Variants in ABHD10 observed in about 807,000 individuals in gnomAD.
ABHD10 encodes palmitoyl-protein thioesterase ABHD10, mitochondrial.
A neutral mutation model predicts 33.1 loss-of-function variants in ABHD10; 22 were observed. The observed-to-expected ratio is 0.66, with a 90% confidence interval of 0.47 to 0.95. The LOEUF is 0.95. Among genes scored for constraint, ABHD10 ranks in the 40% least tolerant of loss-of-function variants. The pLI is 0.00. For synonymous variants in ABHD10, 146 were observed against 133.9 expected, an observed-to-expected ratio of 1.09 and a Z score of -0.62; for missense variants, 352 against 379.9, an observed-to-expected ratio of 0.93 and a Z score of 0.61.
Position 111,991,552 on chromosome 3 carries a change from T to C in ABHD10, c.752T>C (p.Ile251Thr), listed in dbSNP as rs147779665. 10 of 1,614,118 alleles carry C rather than the reference T, an allele frequency of 6.2e-6. No homozygotes were observed. In the African/African-American group the frequency reaches 1.2e-4, roughly 19 times the overall value. The change falls in exon 5 of 5, where the codon ATT becomes ACT. Residue 251 changes from isoleucine (I) to threonine (T), a missense_variant. Physicochemically the swap from Ile to Thr is moderately conservative, Grantham distance 89 (BLOSUM62 -1). Coordinates refer to ENST00000273359, the MANE Select transcript of ABHD10 (RefSeq NM_018394.4). ...TTGCTCCATGGCATGAAGGATGACA[T>C]TGTACCTTGGCATACATCAATGCAG... Reference protein sequence around the residue: ...IRLLHGMKDDIVPWHTSMQVA... With the variant: ...IRLLHGMKDDTVPWHTSMQVA...
At chr3:111,981,330 AAAAG>A (rs1553757988) in intron 1 of ABHD10, among the ~76,000 whole-genome samples, 2 of 136,212 alleles carry the variant, frequency 1.5e-5, no homozygotes, top group Non-Finnish European at 1.5e-5. Flanking sequence ...AAAAAAAAAA[AAAAG>A]AAAGAAAATA....
rs2072677008 is a variant in ABHD10 at position 111,987,028 on chromosome 3, A to G, written c.553A>G (p.Lys185Glu). ...TACAGCTGCAGATACCTTAGTGACAAAGTTTAATCAGCTTCCTGTTGAGGT... is the reference window on the plus strand; with the variant it reads ...TACAGCTGCAGATACCTTAGTGACAGAGTTTAATCAGCTTCCTGTTGAGGT... ...VATAADTLVT[K>E]FNQLPVELKK... Residue 185 changes from lysine (K) to glutamate (E), a missense_variant, in exon 4 of 5, where the codon AAG becomes GAG. By Grantham distance (56) the Lys-to-Glu change is moderately conservative. Coordinates refer to ENST00000273359, the MANE Select transcript of ABHD10 (RefSeq NM_018394.4). The G allele has an allele frequency of 4.3e-6, 7 of 1,612,550 alleles. No individual in the cohort carries two copies. Among genetic ancestry groups the G allele is most frequent in the Admixed American group, 1.7e-5 (1 of 59,516 alleles).
chr3:111,991,429 C>G lies in ABHD10; in HGVS notation c.629C>G (p.Ser210Cys), dbSNP rs1204305349. 1 of 1,613,186 alleles carries G rather than the reference C, an allele frequency of 6.2e-7. No homozygotes were observed. Among genetic ancestry groups the G allele is most frequent in the Non-Finnish European group, 8.5e-7 (1 of 1,179,762 alleles). ...GTGTGGAGCATGCCATCAAAATACTCTGAAGAAGGAGTTTATAACGTTCAG... is the reference window on the plus strand; with the variant it reads ...GTGTGGAGCATGCCATCAAAATACTGTGAAGAAGGAGTTTATAACGTTCAG... Reference protein sequence around the residue: ...KGVWSMPSKYSEEGVYNVQYS... With the variant: ...KGVWSMPSKYCEEGVYNVQYS... The change falls in exon 5 of 5, where the codon TCT becomes TGT. Residue 210 changes from serine (S) to cysteine (C), a missense_variant. Coordinates refer to ENST00000273359, the MANE Select transcript of ABHD10 (RefSeq NM_018394.4).
chr3:111,987,419 G>T (rs774751), intron 4 of ABHD10, among the ~76,000 whole-genome samples: 1 of 152,068 alleles, frequency 6.6e-6, no homozygotes, highest in African/African-American at 2.4e-5. Flanking sequence ...GGCATATGGG[G>T]AGTAGTGCCT....
rs1219726396 is a variant in ABHD10 at position 111,993,026 on chromosome 3, T to C, written c.*1305T>C. 6.6e-6 allele frequency: 1 copy of C among 152,206 alleles called. No individual in the cohort carries two copies. The highest frequency in any genetic ancestry group is 2.4e-5 in the African/African-American group (1 of 41,460). 9.4% of individuals were successfully genotyped at this position (152,206 alleles called of 1,614,324 possible). On this transcript the variant is annotated 3_prime_UTR_variant, in exon 5 of 5. Transcript: ENST00000273359. ...GAACTGATCAAAGTAGCTTACTATA[T>C]CTAAACTGTAAAACAATATAGTTTC...
intron 1 of ABHD10, 123 bp from the exon 2 acceptor site, chr3:111,981,661 A>C: frequency 1.1e-6 from 1 of 891,234 alleles, no homozygotes. Context: ...TGTTTTTTCT[A>C]TTAAATGGAA....
At chr3:111,986,841 G>T in intron 3 of ABHD10, 73 bp from the exon 4 acceptor site, 3 of 1,075,512 alleles carry the variant, frequency 2.8e-6, no homozygotes, top group Non-Finnish European at 2.6e-6. Flanking sequence ...ATTTTTTATT[G>T]TACATATTTT....
At chr3:111,986,529 G>A (rs962560137) in intron 3 of ABHD10, among the ~76,000 whole-genome samples, 154 bp downstream of exon 3, 7 of 152,264 alleles carry the variant, frequency 4.6e-5, no homozygotes, top group East Asian at 1.9e-4. Context: ...TCTGCCTCCC[G>A]GGTTCACGGC....
intron 2 of ABHD10, among the ~76,000 whole-genome samples, chr3:111,984,667 A>T (rs184941790): frequency 6.6e-6 from 1 of 152,232 alleles, no homozygotes; most frequent in Non-Finnish European, 1.5e-5. Flanking sequence ...CCAAAGCACT[A>T]AGTGTTTATG....
chr3:111,987,505 C>T (rs2072682711), intron 4 of ABHD10, among the ~76,000 whole-genome samples: 1 of 152,052 alleles, frequency 6.6e-6, no homozygotes, highest in African/African-American at 2.4e-5. Flanking sequence ...GGGATTGCTT[C>T]CAAGACCTCC....
chr3:111,989,670 T>C (rs1232113616), intron 4 of ABHD10, among the ~76,000 whole-genome samples: 1 of 152,244 alleles, frequency 6.6e-6, no homozygotes, highest in East Asian at 1.9e-4. Context: ...AAATGTCATC[T>C]TTACTTTAAA....
rs2072731081 is a variant in ABHD10 at position 111,990,833 on chromosome 3, A to G, written c.577-544A>G. On this transcript the variant is annotated intron_variant, in intron 4 of 4. Coordinates refer to ENST00000273359, the MANE Select transcript of ABHD10 (RefSeq NM_018394.4). ...GTTTGATTCTTTCTCTTCTTTCCCT[A>G]TGCCATATCCATTTTAGCTACTTAT... The G allele has an allele frequency of 1.4e-5, 10 of 734,552 alleles. No individual in the cohort carries two copies. In the East Asian group the frequency reaches 3.0e-4, roughly 22 times the overall value. The allele number at this position is 734,552 out of a possible 1,614,324, so 45.5% of individuals were successfully genotyped here.
intron 4 of ABHD10, among the ~76,000 whole-genome samples, chr3:111,987,827 A>G (rs1157191288): frequency 6.6e-6 from 1 of 152,224 alleles, no homozygotes; most frequent in Non-Finnish European, 1.5e-5. Flanking sequence ...AAGCAGCCTC[A>G]GTTCCTCCCA....
intron 1 of ABHD10, among the ~76,000 whole-genome samples, chr3:111,979,427 T>C: frequency 6.6e-6 from 1 of 152,228 alleles, no homozygotes; most frequent in Non-Finnish European, 1.5e-5. Context: ...TCGCTGGCGT[T>C]TTACACTGTG....
Position 111,979,206 on chromosome 3 carries a change from C to A in ABHD10, c.142+3C>A. ...GCGGGCGCCACGGTGGCTCCCAGGT[C>A]AGTGTCCGAAAGGCGGGAGTAGGAT... On this transcript the variant is annotated splice_donor_region_variant and intron_variant, in intron 1 of 4. Transcript: ENST00000273359. 1 of 1,595,232 alleles carries A rather than the reference C, an allele frequency of 6.3e-7. No homozygotes were observed. The highest frequency in any genetic ancestry group is 1.1e-5 in the South Asian group (1 of 90,132).
Position 111,991,703 on chromosome 3 carries a change from C to G in ABHD10, c.903C>G (p.Leu301=). The change falls in exon 5 of 5, where the codon CTC becomes CTG. Residue 301 remains leucine, a synonymous_variant. Coordinates refer to ENST00000273359, the MANE Select transcript of ABHD10 (RefSeq NM_018394.4). The part of the protein sequence containing the change: ...VYTIDDLIDK[L]STIVN ...CTATTGATGACTTAATTGATAAGCT[C>G]TCAACTATAGTTAACTAGTATCACA... 1 of 1,612,756 alleles carries G rather than the reference C, an allele frequency of 6.2e-7. No individual in the cohort carries two copies. The highest frequency in any genetic ancestry group is 8.5e-7 in the Non-Finnish European group (1 of 1,179,242).
rs766092063 is a variant in ABHD10 at position 111,986,226 on chromosome 3, T to C, written c.327-38T>C. The C allele has an allele frequency of 2.3e-5, 26 of 1,146,028 alleles. No homozygotes were observed. The South Asian group carries it at 3.1e-4, about 14-fold the overall frequency. 71.0% of individuals were successfully genotyped at this position (1,146,028 alleles called of 1,614,324 possible). A position where few individuals can be genotyped will look rare whatever the true frequency, so the allele number is the denominator to read the frequency against. On this transcript the variant is annotated intron_variant, in intron 2 of 4. Transcript: ENST00000273359. ...CTTAAAAATTAAAGAAGCAGATATA[T>C]AGATATTTAGATATAGATTTTTTTC... is the stretch of plus-strand genomic sequence containing the variant.
intron 1 of ABHD10, among the ~76,000 whole-genome samples, chr3:111,980,693 A>G (rs968364195): frequency 1.1e-4 from 16 of 152,246 alleles, no homozygotes; most frequent in Admixed American, 9.8e-4. Flanking sequence ...TGTTGTACTT[A>G]AATTACACTA....
At chr3:111,989,840 A>C (rs2072719935) in intron 4 of ABHD10, among the ~76,000 whole-genome samples, 1 of 152,010 alleles carries the variant, frequency 6.6e-6, no homozygotes, top group African/African-American at 2.4e-5. Context: ...TCTTTTTGGA[A>C]TTAAAAATAC....
Sources: gnomAD v4.1 joint callset for allele counts (sites outside exome capture counted in the v4.1 genomes callset) on GRCh38, gnomAD v4.1.1 for gene constraint, MANE v1.5 for transcripts, NCBI Gene and HGNC (gene_info 2026-07-23, HGNC 2026-07-21) for gene names.